The following GPC6 variants were observed in gnomAD, a reference collection of about 807,000 sequenced individuals.
The protein encoded by GPC6 is glypican 6, also known as glypican-6.
A neutral mutation model predicts 55.2 loss-of-function variants in GPC6; 14 were observed. That is an observed-to-expected ratio of 0.25 (90% CI 0.17 to 0.40). The LOEUF (loss-of-function observed/expected upper bound fraction) is 0.40. Ranked by LOEUF, GPC6 falls within the 10% of genes least tolerant of loss-of-function variation. The pLI is 1.00. For synonymous variants in GPC6, 278 were observed against 259.6 expected, an observed-to-expected ratio of 1.07 and a Z score of -0.68; for missense variants, 641 against 708.5, an observed-to-expected ratio of 0.90 and a Z score of 1.08.
chr13:93,895,222 A>ATGTGTGTGTGTGTGTGTGTGTGTGTG lies in GPC6; in HGVS notation c.711+64690_711+64691insGTGTGTGTGTGTGTGTGTGTGTGTGT, dbSNP rs369480808. 2.6e-3 allele frequency among the ~76,000 whole-genome samples: 137 copies of ATGTGTGTGTGTGTGTGTGTGTGTGTG among 53,582 alleles called. 11 individuals carry two copies. Among genetic ancestry groups the ATGTGTGTGTGTGTGTGTGTGTGTGTG allele is most frequent in the African/African-American group, 7.9e-3 (100 of 12,694 alleles). 35.2% of individuals were successfully genotyped at this position (53,582 alleles called of 152,430 possible). On this transcript the variant is annotated intron_variant, in intron 3 of 8. Transcript: ENST00000377047. ...TATATATGTGTGTGTGTGTGTATGT[A>ATGTGTGTGTGTGTGTGTGTGTGTGTG]TGTGTGTGTGTGTATATATATATAT...
chr13:93,596,715 C>T (rs1360815944), intron 2 of GPC6, among the ~76,000 whole-genome samples: 1 of 145,964 alleles, frequency 6.9e-6, no homozygotes, highest in East Asian at 2.0e-4. Context: ...AGTGTGTATA[C>T]ACATATATAA....
At chr13:93,443,489 A>G (rs1232328156) in intron 1 of GPC6, among the ~76,000 whole-genome samples, 1 of 152,218 alleles carries the variant, frequency 6.6e-6, no homozygotes, top group Non-Finnish European at 1.5e-5. Context: ...TAATGCTCGT[A>G]ATTGGGTAGC....
At chr13:94,043,670 T>C (rs980385035) in intron 4 of GPC6, among the ~76,000 whole-genome samples, 5 of 151,854 alleles carry the variant, frequency 3.3e-5, no homozygotes, top group African/African-American at 1.2e-4. Context: ...GCAACATCTT[T>C]CTCCAACAAT....
chr13:93,763,632 A>G (rs1467569813), intron 2 of GPC6, among the ~76,000 whole-genome samples: 2 of 152,242 alleles, frequency 1.3e-5, no homozygotes, highest in African/African-American at 2.4e-5. Flanking sequence ...CCAAACTCCC[A>G]TGATTTATCA....
chr13:93,788,261 A>G (rs907597436), intron 2 of GPC6, among the ~76,000 whole-genome samples: 2 of 152,060 alleles, frequency 1.3e-5, no homozygotes, highest in East Asian at 1.9e-4. Flanking sequence ...TAAGAATGCT[A>G]TGTCCTTACA....
intron 2 of GPC6, among the ~76,000 whole-genome samples, chr13:93,674,828 A>C (rs1170584240): frequency 3.7e-5 from 3 of 81,492 alleles, no homozygotes; most frequent in Non-Finnish European, 7.1e-5. Context: ...AAGTTATGTC[A>C]ATGTCAGTCC....
intron 2 of GPC6, among the ~76,000 whole-genome samples, chr13:93,827,930 A>T (rs139419354): frequency 2.6e-5 from 4 of 152,116 alleles, no homozygotes; most frequent in Non-Finnish European, 5.9e-5. Context: ...CCTCAGTAAA[A>T]GAGAAAATGA....
At chr13:93,954,800 T>C (rs1879424711) in intron 3 of GPC6, among the ~76,000 whole-genome samples, 1 of 152,188 alleles carries the variant, frequency 6.6e-6, no homozygotes. Context: ...TGTAGACTGA[T>C]ATGAAGCTCT....
chr13:94,240,972 A>G (rs1462319282), intron 4 of GPC6, among the ~76,000 whole-genome samples: 1 of 152,164 alleles, frequency 6.6e-6, no homozygotes, highest in Non-Finnish European at 1.5e-5. Context: ...ATGAACAATG[A>G]TGGTACTTGA....
chr13:94,005,017 G>A (rs1881957342), intron 3 of GPC6, among the ~76,000 whole-genome samples: 1 of 152,142 alleles, frequency 6.6e-6, no homozygotes, highest in Non-Finnish European at 1.5e-5. Flanking sequence ...AGTGAGCCAA[G>A]ATTGCACCAC....
intron 4 of GPC6, among the ~76,000 whole-genome samples, chr13:94,237,936 A>G (rs1890930085): frequency 6.6e-6 from 1 of 152,182 alleles, no homozygotes; most frequent in African/African-American, 2.4e-5. Context: ...TCCAGGCAAG[A>G]GATTATGCTG....
rs149079168 is a variant in GPC6, at chr13:93,852,353, C to A, written c.711+21808C>A. ...GGCTGAATCAATAAAGTTCAGCAGACACCACATTCCTATTCTGTTCTCTGT... is the reference window on the plus strand; with the variant it reads ...GGCTGAATCAATAAAGTTCAGCAGAAACCACATTCCTATTCTGTTCTCTGT... On this transcript the variant is annotated intron_variant, in intron 3 of 8. Coordinates refer to ENST00000377047, the MANE Select transcript of GPC6 (RefSeq NM_005708.5). Among the ~76,000 whole-genome samples, 120 of 151,856 alleles carry A rather than the reference C, an allele frequency of 7.9e-4. 1 individual carries two copies. The East Asian group carries it at 8.0e-3, about 10-fold the overall frequency.
chr13:93,683,625 A>G (rs1212674567), intron 2 of GPC6, among the ~76,000 whole-genome samples: 1 of 152,164 alleles, frequency 6.6e-6, no homozygotes, highest in African/African-American at 2.4e-5. Flanking sequence ...TTTTGCCTGA[A>G]GTACAATTTA....
chr13:93,299,565 C>T (rs1261300637), intron 1 of GPC6, among the ~76,000 whole-genome samples: 1 of 152,206 alleles, frequency 6.6e-6, no homozygotes, highest in African/African-American at 2.4e-5. Context: ...CTGCCACTCA[C>T]ACTTGCTTGG....
intron 3 of GPC6, among the ~76,000 whole-genome samples, chr13:93,902,110 A>G (rs555049195): frequency 6.6e-6 from 1 of 152,210 alleles, no homozygotes; most frequent in South Asian, 2.1e-4. Context: ...ATGTACAATT[A>G]CAGTATTGTT....
At chr13:93,259,356 T>C (rs1877059493) in intron 1 of GPC6, among the ~76,000 whole-genome samples, 1 of 152,096 alleles carries the variant, frequency 6.6e-6, no homozygotes, top group Non-Finnish European at 1.5e-5. Flanking sequence ...GTGAGCTATC[T>C]TAAAGGTACA....
intron 2 of GPC6, among the ~76,000 whole-genome samples, chr13:93,792,502 T>G (rs1854730): frequency 0.33 from 50,419 of 151,886 alleles, 8,808 homozygotes; most frequent in African/African-American, 0.44. Context: ...GTAGAGATGG[T>G]TTTTCACCAC....
At chr13:94,262,940 A>C (rs1423446043) in intron 4 of GPC6, among the ~76,000 whole-genome samples, 1 of 152,246 alleles carries the variant, frequency 6.6e-6, no homozygotes, top group Non-Finnish European at 1.5e-5. Flanking sequence ...AATATACCAG[A>C]CATTAACAAT....
At chr13:94,048,440 A>G (rs1351825709) in intron 4 of GPC6, among the ~76,000 whole-genome samples, 1 of 146,876 alleles carries the variant, frequency 6.8e-6, no homozygotes, top group Non-Finnish European at 1.5e-5. Context: ...ACTTGCAAGT[A>G]AAAAAAATTA....
Sources: allele counts gnomAD v4.1 joint callset (sites outside exome capture counted in the v4.1 genomes callset), GRCh38; gene constraint gnomAD v4.1.1; transcripts MANE v1.5; gene names NCBI Gene and HGNC (gene_info 2026-07-23, HGNC 2026-07-21).